Variants in PDZRN3 observed in about 807,000 individuals in gnomAD.
The protein encoded by PDZRN3 is PDZ domain containing ring finger 3, also known as E3 ubiquitin-protein ligase PDZRN3.
In PDZRN3, 38 loss-of-function variants were observed where a neutral mutation model predicts 85.7. That is an observed-to-expected ratio of 0.44 (90% CI 0.34 to 0.58). The LOEUF is 0.58. Among genes scored for constraint, PDZRN3 ranks in the 20% least tolerant of loss-of-function variants. The pLI is 0.01. For synonymous variants in PDZRN3, 759 were observed against 638.0 expected, an observed-to-expected ratio of 1.19 and a Z score of -2.86; for missense variants, 1,629 against 1,506.4, an observed-to-expected ratio of 1.08 and a Z score of -1.35.
chr3:73,429,951 C>A (rs1702397444), intron 3 of PDZRN3, among the ~76,000 whole-genome samples: 1 of 152,224 alleles, frequency 6.6e-6, no homozygotes, highest in Non-Finnish European at 1.5e-5. Flanking sequence ...CTGTCTGAGA[C>A]ACCAAGGTCT....
chr3:73,397,880 G>GGGGCTA (rs1258495232), intron 5 of PDZRN3, among the ~76,000 whole-genome samples: 3 of 152,200 alleles, frequency 2.0e-5, no homozygotes, highest in Non-Finnish European at 4.4e-5. Context: ...ACCATTCAAA[G>GGGGCTA]GGGCTAGAGA....
At chr3:73,464,117 C>G (rs1022707117) in intron 3 of PDZRN3, among the ~76,000 whole-genome samples, 2 of 152,144 alleles carry the variant, frequency 1.3e-5, no homozygotes, top group African/African-American at 4.8e-5. Flanking sequence ...TCCATAGTAG[C>G]TGGGATCACA....
At chr3:73,385,070 A>T in intron 9 of PDZRN3, 140 bp from the exon 10 acceptor site, 1 of 942,360 alleles carries the variant, frequency 1.1e-6, no homozygotes, top group Admixed American at 2.8e-5. Flanking sequence ...CAGTAGGACC[A>T]CGTCAATAGC....
At chr3:73,599,458 G>C (rs1184442964) in intron 3 of PDZRN3, among the ~76,000 whole-genome samples, 1 of 152,182 alleles carries the variant, frequency 6.6e-6, no homozygotes, top group East Asian at 1.9e-4. Context: ...AGTGAGTGTA[G>C]AGTTTCAGTC....
At chr3:73,611,267 A>C (rs1174372945) in intron 1 of PDZRN3, among the ~76,000 whole-genome samples, 2 of 152,216 alleles carry the variant, frequency 1.3e-5, no homozygotes, top group African/African-American at 2.4e-5. Context: ...CTGTTTACTG[A>C]ACTATTTATC....
At chr3:73,617,523 T>C (rs970707858) in intron 1 of PDZRN3, among the ~76,000 whole-genome samples, 5 of 152,106 alleles carry the variant, frequency 3.3e-5, no homozygotes, top group Admixed American at 1.3e-4. Flanking sequence ...TACCTTTCTA[T>C]CCAATGGTGC....
intron 3 of PDZRN3, among the ~76,000 whole-genome samples, chr3:73,415,282 G>A (rs1360465329): frequency 3.9e-5 from 6 of 152,130 alleles, no homozygotes; most frequent in Non-Finnish European, 8.8e-5. Flanking sequence ...AGAGGGAAAG[G>A]CATGTGCAAA....
chr3:73,394,498 G>A (rs980327070), intron 5 of PDZRN3, among the ~76,000 whole-genome samples: 1 of 152,148 alleles, frequency 6.6e-6, no homozygotes, highest in African/African-American at 2.4e-5. Context: ...CACTCCAGGA[G>A]CAGTTTTCTA....
intron 3 of PDZRN3, among the ~76,000 whole-genome samples, chr3:73,474,212 C>T (rs1016304062): frequency 4.6e-5 from 7 of 152,200 alleles, no homozygotes; most frequent in Non-Finnish European, 7.3e-5. Flanking sequence ...CTATGGTTTT[C>T]ACCAGCCTGT....
rs140037400 is a variant in PDZRN3 at position 73,402,941 on chromosome 3, C to CTTTTT, written c.1166+1202_1166+1206dup. On this transcript the variant is annotated intron_variant, in intron 4 of 9. Coordinates refer to ENST00000263666, the MANE Select transcript of PDZRN3 (RefSeq NM_015009.3). ...GATGTGCAAAGTCACACATGAAAAGCTTTTTTTTTTTTTTTTTTTTGAGAC... is the reference window on the plus strand; with the variant it reads ...GATGTGCAAAGTCACACATGAAAAGCTTTTTTTTTTTTTTTTTTTTTTTTTGAGAC... 1.4e-4 allele frequency among the ~76,000 whole-genome samples: 16 copies of CTTTTT among 115,648 alleles called. 1 individual carries two copies. Among genetic ancestry groups the CTTTTT allele is most frequent in the African/African-American group, 3.7e-4 (10 of 26,748 alleles). The allele number at this position is 115,648 out of a possible 152,430, so 75.9% of individuals were successfully genotyped here.
intron 3 of PDZRN3, among the ~76,000 whole-genome samples, chr3:73,515,533 G>C (rs1421210323): frequency 1.3e-5 from 2 of 152,084 alleles, no homozygotes; most frequent in African/African-American, 4.8e-5. Context: ...ACTCCAAAAA[G>C]TTCCTATAAG....
At chr3:73,385,866 T>G in intron 8 of PDZRN3, 81 bp from the exon 9 acceptor site, 1 of 821,390 alleles carries the variant, frequency 1.2e-6, no homozygotes, top group Non-Finnish European at 2.1e-6. Flanking sequence ...GACATTACCT[T>G]GGGGGAAAAT....
chr3:73,516,795 ACAGGACACGGAGTC>A (rs11267642), intron 3 of PDZRN3, among the ~76,000 whole-genome samples: 42,119 of 152,104 alleles, frequency 0.28, 6,239 homozygotes, highest in Middle Eastern at 0.36. Flanking sequence ...TACACTTGTT[ACAGGACACGGAGTC>A]CTGGACACCT....
intron 8 of PDZRN3, 62 bp downstream of exon 8, chr3:73,387,906 G>C (rs988687418): frequency 1.3e-6 from 1 of 773,962 alleles, no homozygotes; most frequent in Non-Finnish European, 2.2e-6. Flanking sequence ...TCTTTTGCAG[G>C]CCTGGGGATC....
chr3:73,535,408 C>A (rs1181598237), intron 3 of PDZRN3, among the ~76,000 whole-genome samples: 1 of 152,152 alleles, frequency 6.6e-6, no homozygotes, highest in African/African-American at 2.4e-5. Context: ...TCCAAGGATT[C>A]CTCTCTCTAC....
intron 2 of PDZRN3, among the ~76,000 whole-genome samples, chr3:73,603,886 TACACAC>T (rs370554640): frequency 1.4e-5 from 2 of 144,952 alleles, no homozygotes; most frequent in South Asian, 2.2e-4. Context: ...CACACACACA[TACACAC>T]ACACACACAC....
chr3:73,496,109 TTGA>T (rs1315487085), intron 3 of PDZRN3, among the ~76,000 whole-genome samples: 2 of 152,082 alleles, frequency 1.3e-5, no homozygotes, highest in African/African-American at 4.8e-5. Flanking sequence ...CTGCTCCATA[TTGA>T]TGGACTTCAT....
chr3:73,560,305 C>A (rs1037182700), intron 3 of PDZRN3, among the ~76,000 whole-genome samples: 1 of 151,966 alleles, frequency 6.6e-6, no homozygotes, highest in South Asian at 2.1e-4. Context: ...ATTACTGTCC[C>A]CATTTTACCG....
In PDZRN3 at chr3:73,624,656, C is replaced by G; in HGVS notation, c.170G>C (p.Arg57Pro). Residue 57 changes from arginine to proline, a missense_variant, in exon 1 of 10, where the codon CGC (arginine) becomes CCC (proline). Transcript: ENST00000263666. ...GAGCTCTTTGGCCGACAGGCGACCG[C>G]GGCAGCGCGCCGGGCAGCTGCCCTC... ...VQEGSCPARC[R>P]GRLSAKELNH... The G allele has an allele frequency of 1.3e-6, 2 of 1,530,734 alleles. No homozygotes were observed. The highest frequency in any genetic ancestry group is 1.2e-5 in the South Asian group (1 of 81,866). The allele number at this position is 1,530,734 out of a possible 1,614,324, so 94.8% of individuals were successfully genotyped here.
Sources: allele counts gnomAD v4.1 joint callset (sites outside exome capture counted in the v4.1 genomes callset), GRCh38; gene constraint gnomAD v4.1.1; transcripts MANE v1.5; gene names NCBI Gene and HGNC (gene_info 2026-07-23, HGNC 2026-07-21).